The following CTNNAL1 variants were observed in gnomAD, a reference collection of about 807,000 sequenced individuals.
The protein encoded by CTNNAL1 is catenin alpha like 1.
A neutral mutation model predicts 93.6 loss-of-function variants in CTNNAL1; 69 were observed. The observed-to-expected ratio is 0.74, with a 90% CI of 0.61 to 0.90. The LOEUF is 0.90. Among genes scored for constraint, CTNNAL1 ranks in the 40% least tolerant of loss-of-function variants. The probability of loss-of-function intolerance (pLI) is 0.00; values close to 1 mark genes in which losing one functional copy is unlikely to be tolerated. For synonymous variants in CTNNAL1, 286 were observed against 305.4 expected, an observed-to-expected ratio of 0.94 and a Z score of 0.66; for missense variants, 836 against 862.0, an observed-to-expected ratio of 0.97 and a Z score of 0.38.
At chr9:108,985,444 T>A (rs1364562555) in intron 4 of CTNNAL1, among the ~76,000 whole-genome samples, 2 of 152,228 alleles carry the variant, frequency 1.3e-5, no homozygotes, top group Non-Finnish European at 2.9e-5. Flanking sequence ...AACCTAAAGT[T>A]TGAGAATGAT....
intron 14 of CTNNAL1, among the ~76,000 whole-genome samples, chr9:108,950,163 C>T (rs1183463684): frequency 6.6e-6 from 1 of 152,100 alleles, no homozygotes; most frequent in Non-Finnish European, 1.5e-5. Flanking sequence ...GCATGATTTT[C>T]ATCACCATGG....
chr9:108,965,669 G>A (rs769960949), intron 10 of CTNNAL1, 141 bp from the exon 11 acceptor site: 8 of 450,352 alleles, frequency 1.8e-5, no homozygotes, highest in African/African-American at 6.1e-5. Context: ...CAAGCTCCAT[G>A]TTGGGCAATA....
intron 8 of CTNNAL1, among the ~76,000 whole-genome samples, chr9:108,975,736 T>C (rs999497762): frequency 2.6e-5 from 4 of 152,014 alleles, no homozygotes; most frequent in African/African-American, 9.7e-5. Flanking sequence ...GGCCAGAGAG[T>C]AAATATTTTA....
At chr9:108,962,228 T>G (rs1029244034) in intron 11 of CTNNAL1, among the ~76,000 whole-genome samples, 7 of 152,172 alleles carry the variant, frequency 4.6e-5, no homozygotes, top group African/African-American at 1.4e-4. Flanking sequence ...CCAGCACTTA[T>G]GAAAGTACCT....
At chr9:109,004,790 AAAAT>A (rs905373905) in intron 1 of CTNNAL1, among the ~76,000 whole-genome samples, 59 of 152,076 alleles carry the variant, frequency 3.9e-4, no homozygotes, top group African/African-American at 1.3e-3. Flanking sequence ...TGTCTTGAAA[AAAAT>A]AAATAAATAA....
chr9:108,951,901 G>C (rs28361169), intron 14 of CTNNAL1, among the ~76,000 whole-genome samples: 1 of 152,126 alleles, frequency 6.6e-6, no homozygotes, highest in Non-Finnish European at 1.5e-5. Context: ...TTTTCTTAAC[G>C]TACTGATGCT....
chr9:108,952,872 A>G (rs1830602527), intron 12 of CTNNAL1, among the ~76,000 whole-genome samples: 1 of 152,184 alleles, frequency 6.6e-6, no homozygotes, highest in African/African-American at 2.4e-5. Flanking sequence ...GATTCTTATA[A>G]TGCTTGAATT....
chr9:108,952,371 A>G lies in CTNNAL1; in HGVS notation c.1681-8T>C. ...TGCTATCTTGGCTTGCTCCTATGAA[A>G]CAGACGTTTTAATCACAACGACTTT... On this transcript the variant is annotated splice_polypyrimidine_tract_variant and splice_region_variant and intron_variant, in intron 13 of 18. Transcript: ENST00000325551. 1 of 1,614,178 alleles carries G rather than the reference A, an allele frequency of 6.2e-7. No homozygotes were observed. The highest frequency in any genetic ancestry group is 2.2e-5 in the East Asian group (1 of 44,876).
chr9:108,992,918 A>G (rs1163277062), intron 2 of CTNNAL1, 99 bp from the exon 3 acceptor site: 5 of 1,278,742 alleles, frequency 3.9e-6, no homozygotes, highest in Non-Finnish European at 4.2e-6. Context: ...GGAGAAACTC[A>G]GCTTTGGAGT....
chr9:108,955,941 T>C, intron 11 of CTNNAL1, 114 bp from the exon 12 acceptor site: 1 of 624,372 alleles, frequency 1.6e-6, no homozygotes, highest in Non-Finnish European at 2.6e-6. Context: ...TACATTAGTT[T>C]TGATAACAGT....
chr9:108,993,699 A>G (rs539701730), intron 2 of CTNNAL1, among the ~76,000 whole-genome samples: 1 of 152,310 alleles, frequency 6.6e-6, no homozygotes, highest in East Asian at 1.9e-4. Flanking sequence ...AAACCTCCAT[A>G]CTGTTAAAAA....
intron 1 of CTNNAL1, among the ~76,000 whole-genome samples, chr9:109,002,455 C>A (rs552086459): frequency 6.6e-6 from 1 of 152,056 alleles, no homozygotes. Context: ...AAAATCTTAC[C>A]GGAAACTGGA....
chr9:108,945,030 TTC>T (rs1245749672), intron 15 of CTNNAL1, among the ~76,000 whole-genome samples: 1 of 152,204 alleles, frequency 6.6e-6, no homozygotes, highest in Non-Finnish European at 1.5e-5. Context: ...TCTGCAAATT[TTC>T]TCTTTCCTTC....
chr9:108,986,049 T>G (rs924441649), intron 4 of CTNNAL1, among the ~76,000 whole-genome samples: 1 of 151,990 alleles, frequency 6.6e-6, no homozygotes, highest in South Asian at 2.1e-4. Context: ...TATTATACTT[T>G]AAGTTTTAGG....
intron 1 of CTNNAL1, among the ~76,000 whole-genome samples, chr9:109,008,485 AG>A (rs1165543982): frequency 2.6e-5 from 4 of 152,156 alleles, no homozygotes; most frequent in African/African-American, 7.2e-5. Context: ...GAGTTTCTCT[AG>A]GGGTACTGAC....
intron 2 of CTNNAL1, among the ~76,000 whole-genome samples, chr9:108,994,917 A>G (rs1190184776): frequency 6.6e-6 from 1 of 152,212 alleles, no homozygotes; most frequent in East Asian, 1.9e-4. Flanking sequence ...GCCAACAGCC[A>G]GCAAGGAAGT....
At chr9:108,969,227 G>A (rs139146261) in intron 10 of CTNNAL1, among the ~76,000 whole-genome samples, 2,385 of 151,134 alleles carry the variant, frequency 0.016, 31 homozygotes, top group Non-Finnish European at 0.025. Context: ...CCAAGATCGC[G>A]CCACTGCACT....
chr9:108,983,312 A>AC lies in CTNNAL1; in HGVS notation c.732_733insG (p.Cys245ValfsTer6). On this transcript the variant is annotated frameshift_variant, in exon 6 of 19. Transcript: ENST00000325551. LOFTEE classifies it high-confidence loss of function. The stretch of plus-strand genomic sequence containing the variant: ...GATTCGCAGTTAGGATGCCTCAGAC[A>AC]TGTCTTCAAAACAATTGAAAATTTT... 6.6e-7 allele frequency: 1 copy of AC among 1,514,778 alleles called. No individual in the cohort carries two copies. Among genetic ancestry groups the AC allele is most frequent in the Non-Finnish European group, 8.8e-7 (1 of 1,134,932 alleles). The allele number at this position is 1,514,778 out of a possible 1,614,324, so 93.8% of individuals were successfully genotyped here. A position where few individuals can be genotyped will look rare whatever the true frequency, so the allele number is the denominator to read the frequency against.
chr9:108,980,724 T>C (rs1246395865), intron 6 of CTNNAL1, among the ~76,000 whole-genome samples: 6 of 152,226 alleles, frequency 3.9e-5, no homozygotes, highest in African/African-American at 1.4e-4. Context: ...ATTTATTTTA[T>C]TAATTTAAGA....
Sources: gnomAD v4.1 joint callset for allele counts (sites outside exome capture counted in the v4.1 genomes callset) on GRCh38, gnomAD v4.1.1 for gene constraint, MANE v1.5 for transcripts, NCBI Gene and HGNC (gene_info 2026-07-23, HGNC 2026-07-21) for gene names.